The following SPATA21 variants were observed in gnomAD, a reference collection of about 807,000 sequenced individuals.
The protein encoded by SPATA21 is spermatogenesis associated 21.
Under a neutral mutation model 54.8 loss-of-function variants are expected in SPATA21, and 47 were observed. The observed-to-expected ratio is 0.86, with a 90% CI of 0.68 to 1.09. The LOEUF (loss-of-function observed/expected upper bound fraction) is 1.09. Among genes scored for constraint, SPATA21 ranks in the 50% least tolerant of loss-of-function variants. SPATA21 has a pLI of 0.00. For missense variants in SPATA21, 599 were observed against 596.4 expected, an observed-to-expected ratio of 1.00 and a Z score of -0.05; for synonymous variants, 245 against 235.3, an observed-to-expected ratio of 1.04 and a Z score of -0.38.
At chr1:16,437,067 T>A (rs907689711) in intron 1 of SPATA21, 61 bp downstream of exon 1, 1 of 152,166 alleles carries the variant, frequency 6.6e-6, no homozygotes, top group Non-Finnish European at 1.5e-5. Context: ...ATCATATATA[T>A]GTCTGGAGGC....
chr1:16,435,926 T>C (rs1439751430), intron 1 of SPATA21, among the ~76,000 whole-genome samples: 1 of 152,192 alleles, frequency 6.6e-6, no homozygotes, highest in African/African-American at 2.4e-5. Context: ...CTTTTTGTCT[T>C]TTGAAGCACA....
rs117944955 is a variant in SPATA21, at chr1:16,398,776, G to A, written c.1399C>T (p.Arg467Ter). 3,440 of 1,613,888 alleles carry A rather than the reference G, an allele frequency of 2.1e-3. 67 individuals are homozygous for A. In the East Asian group the frequency reaches 0.054, roughly 25 times the overall value. ...SRKWLSSVPA[R>*]TH is the part of the protein sequence containing the mutation. ...AGGCCTCCAGAGGGTCAGTGGGTTC[G>A]AGCTGGCACAGAGCTGAGCCACTTT... Residue 467 changes from arginine to a stop codon, truncating the protein, a stop_gained, in exon 13 of 13, where the codon CGA becomes TGA. Coordinates refer to ENST00000335496, the MANE Select transcript of SPATA21 (RefSeq NM_198546.1). LOFTEE classifies it high-confidence loss of function.
rs1390731857 is a variant in SPATA21 at position 16,398,656 on chromosome 1, GTTTA to G, written c.*105_*108del. ...AGGCACAGAGGCTGAAGTTATTGGTGTTTATTAGCTCACCAGGCCACAAAAGCAA... is the reference window on the plus strand; with the variant it reads ...AGGCACAGAGGCTGAAGTTATTGGTGTTAGCTCACCAGGCCACAAAAGCAA... On this transcript the variant is annotated 3_prime_UTR_variant, in exon 13 of 13. Transcript: ENST00000335496. The G allele has an allele frequency of 6.4e-6, 8 of 1,249,480 alleles. No homozygotes were observed. In the African/African-American group the frequency reaches 1.2e-4, roughly 19 times the overall value. The allele number at this position is 1,249,480 out of a possible 1,614,324, so 77.4% of individuals were successfully genotyped here.
At chr1:16,410,083 C>T in intron 5 of SPATA21, 40 bp from the exon 6 acceptor site, 1 of 1,454,726 alleles carries the variant, frequency 6.9e-7, no homozygotes, top group Non-Finnish European at 9.3e-7. Context: ...CTCTAGTGGG[C>T]CAGAGTGTCC....
intron 5 of SPATA21, 89 bp from the exon 6 acceptor site, chr1:16,410,132 T>C (rs1378069109): frequency 9.2e-7 from 1 of 1,089,002 alleles, no homozygotes; most frequent in African/African-American, 1.6e-5. Flanking sequence ...CCAGAGATCC[T>C]CAGACTGCCC....
chr1:16,418,799 C>A (rs575403492), intron 5 of SPATA21, among the ~76,000 whole-genome samples: 2 of 152,200 alleles, frequency 1.3e-5, no homozygotes, highest in Non-Finnish European at 2.9e-5. Flanking sequence ...GCCTCGGCCT[C>A]CCAAAGTGCT....
intron 5 of SPATA21, among the ~76,000 whole-genome samples, chr1:16,412,176 C>T (rs1474350777): frequency 6.6e-6 from 1 of 152,150 alleles, no homozygotes; most frequent in African/African-American, 2.4e-5. Context: ...GTCCTCAGTC[C>T]TTCCCCTGCT....
chr1:16,425,807 A>ACCTATGGTATGCC, intron 3 of SPATA21: 1 of 1,324,094 alleles, frequency 7.6e-7, no homozygotes, highest in Non-Finnish European at 1.0e-6. Flanking sequence ...AGGGCTAGGC[A>ACCTATGGTATGCC]TACCATAGGT....
intron 10 of SPATA21, among the ~76,000 whole-genome samples, chr1:16,403,483 C>CTTTTTCTTT (rs2085517813): frequency 4.3e-5 from 5 of 117,118 alleles, no homozygotes; most frequent in African/African-American, 1.5e-4. Context: ...TAGTTTTTTT[C>CTTTTTCTTT]TTTTTTTTCT....
chr1:16,400,725 T>C lies in SPATA21; in HGVS notation c.1169A>G (p.Asn390Ser). 1.2e-6 allele frequency: 2 copies of C among 1,611,242 alleles called. No individual in the cohort carries two copies. The highest frequency in any genetic ancestry group is 1.3e-5 in the African/African-American group (1 of 74,810). The change falls in exon 11 of 13, where the codon AAC (asparagine) becomes AGC (serine). Residue 390 changes from asparagine to serine, a missense_variant. By Grantham distance (46) the Asn-to-Ser change is conservative (BLOSUM62 1). Coordinates refer to ENST00000335496, the MANE Select transcript of SPATA21 (RefSeq NM_198546.1). ...LSILSRLKQQNYAPNLQSPYA... is the reference protein window; with the variant it reads ...LSILSRLKQQSYAPNLQSPYA... The stretch of plus-strand genomic sequence containing the variant: ...ACCCTGCCCAGGGCCCTCACCATAG[T>C]TCTGCTGCTTCAGCCGGCTCAGGAT...
At chr1:16,398,505 G>T, downstream of SPATA21, 1 of 493,548 alleles carries the variant, frequency 2.0e-6, no homozygotes, top group Non-Finnish European at 3.7e-6. Flanking sequence ...GGCACAGAAG[G>T]TCAAGACTGC....
intron 1 of SPATA21, among the ~76,000 whole-genome samples, chr1:16,435,085 C>T (rs2086552614): frequency 6.6e-6 from 1 of 151,800 alleles, no homozygotes; most frequent in Non-Finnish European, 1.5e-5. Flanking sequence ...TTGAACTCCT[C>T]AGCTCAAGGG....
rs6667459 is a variant in SPATA21, at chr1:16,404,853, G to A, written c.811+114C>T. The A allele has an allele frequency of 5.3e-4, 625 of 1,186,180 alleles. 1 individual carries two copies. In the African/African-American group the frequency reaches 9.1e-3, roughly 17 times the overall value. The allele number at this position is 1,186,180 out of a possible 1,614,324, so 73.5% of individuals were successfully genotyped here. A position where few individuals can be genotyped will look rare whatever the true frequency, so the allele number is the denominator to read the frequency against. ...GGCATTTCTAGACTGTGACAGTAGA[G>A]CATTAAACCAAGCACAGGATCCTTT... On this transcript the variant is annotated intron_variant, in intron 8 of 12. Transcript: ENST00000335496.
rs368358725 is a variant in SPATA21, at chr1:16,421,612, C to T, written c.96-55G>A. 7.2e-6 allele frequency: 11 copies of T among 1,538,358 alleles called. No individual in the cohort carries two copies. The South Asian group carries it at 1.3e-4, about 18-fold the overall frequency. Reference sequence around the variant, plus strand: ...GAAGCGCTCAGCTGAAGGTTTGCCCCCCTGCCCTCCCCTCTCAGCCCCCAG... The same window carrying T: ...GAAGCGCTCAGCTGAAGGTTTGCCCTCCTGCCCTCCCCTCTCAGCCCCCAG... On this transcript the variant is annotated intron_variant, in intron 4 of 12. Coordinates refer to ENST00000335496, the MANE Select transcript of SPATA21 (RefSeq NM_198546.1). The surrounding 1 kb of genome is among the most constrained non-coding windows in gnomAD (Gnocchi z 5.2).
chr1:16,421,821 G>A lies in SPATA21; in HGVS notation c.95+90C>T. The A allele has an allele frequency of 6.3e-7, 1 of 1,589,316 alleles. No individual in the cohort carries two copies. The highest frequency in any genetic ancestry group is 1.1e-5 in the South Asian group (1 of 90,008). On this transcript the variant is annotated intron_variant, in intron 4 of 12. Coordinates refer to ENST00000335496, the MANE Select transcript of SPATA21 (RefSeq NM_198546.1). This position sits in a 1 kb window ranked among gnomAD's most constrained non-coding sequence, Gnocchi z 5.2. ...TGCCCAAGGTCCTCTACCAGGTCAGGAGCAGTCTGGACTAGAATTCACCCC... is the reference window on the plus strand; with the variant it reads ...TGCCCAAGGTCCTCTACCAGGTCAGAAGCAGTCTGGACTAGAATTCACCCC...
Position 16,409,120 on chromosome 1 carries a change from T to C in SPATA21, c.671A>G (p.Glu224Gly). 6.2e-7 allele frequency: 1 copy of C among 1,613,986 alleles called. No individual in the cohort carries two copies. The highest frequency in any genetic ancestry group is 8.5e-7 in the Non-Finnish European group (1 of 1,179,898). ...CTCCCTGACCTCCCTGCCCTCACCT[T>C]CCTCTTGCTTCAGGGTCAGTTGCTC... is the stretch of plus-strand genomic sequence containing the variant. ...SEEQLTLKQE[E>G]AFRSYFEIFN... The change falls in exon 7 of 13, where the codon GAA becomes GGA. Residue 224 changes from glutamate to glycine, a missense_variant and splice_region_variant. Transcript: ENST00000335496. The surrounding 1 kb of genome is among the most constrained non-coding windows in gnomAD (Gnocchi z 4.1).
At chr1:16,398,099 T>G, downstream of SPATA21, 1 of 725,414 alleles carries the variant, frequency 1.4e-6, no homozygotes, top group Non-Finnish European at 1.7e-6. Flanking sequence ...GTCGGCAGAT[T>G]AAGCATTTTA....
intron 5 of SPATA21, among the ~76,000 whole-genome samples, chr1:16,413,850 C>A (rs939696000): frequency 6.6e-6 from 1 of 151,792 alleles, no homozygotes; most frequent in Non-Finnish European, 1.5e-5. Context: ...TGACCTCAAG[C>A]GATCTGCCTG....
intron 5 of SPATA21, among the ~76,000 whole-genome samples, chr1:16,416,795 C>T (rs746732813): frequency 1.3e-5 from 2 of 152,128 alleles, no homozygotes; most frequent in Non-Finnish European, 2.9e-5. Flanking sequence ...GGATGGCCTT[C>T]AAGGCTTTAG....
Sources: allele counts gnomAD v4.1 joint callset (sites outside exome capture counted in the v4.1 genomes callset), GRCh38; gene constraint gnomAD v4.1.1; non-coding constraint Gnocchi (gnomAD v3.1); transcripts MANE v1.5; gene names NCBI Gene and HGNC (gene_info 2026-07-23, HGNC 2026-07-21).